The following STARD3NL variants were observed in gnomAD, a reference collection of about 807,000 sequenced individuals.
The protein encoded by STARD3NL is STARD3 N-terminal like, also known as STARD3 N-terminal-like protein.
Under a neutral mutation model 30.9 loss-of-function variants are expected in STARD3NL, and 17 were observed. The observed-to-expected ratio is 0.55, with a 90% CI of 0.38 to 0.82. The LOEUF is 0.82. STARD3NL is among the 40% of genes least tolerant of loss of function. STARD3NL has a pLI of 0.00. For missense variants in STARD3NL, 234 were observed against 277.6 expected (o/e 0.84, Z 1.12); for synonymous variants, 112 against 100.5 (o/e 1.11, Z -0.69).
At chr7:38,229,326 C>T (rs1484148729) in intron 8 of STARD3NL, among the ~76,000 whole-genome samples, 1 of 152,238 alleles carries the variant, frequency 6.6e-6, no homozygotes, top group Non-Finnish European at 1.5e-5. Flanking sequence ...CAGGCCCACA[C>T]TTTCTGGTAC....
rs1298646296 is a variant in STARD3NL at position 38,178,424 on chromosome 7, G to T, written c.-59+4G>T. On this transcript the variant is annotated splice_donor_region_variant and intron_variant, in intron 1 of 8. Coordinates refer to ENST00000009041, the MANE Select transcript of STARD3NL (RefSeq NM_032016.4). ...CGGCCAGGAACCACCCGTTAAGGTA[G>T]GCTGGGTTTCTCGTTCCCCTATTTG... is the stretch of plus-strand genomic sequence containing the variant. 5 of 152,238 alleles carry T rather than the reference G, an allele frequency of 3.3e-5. No individual in the cohort carries two copies. Among genetic ancestry groups the T allele is most frequent in the Admixed American group, 2.6e-4 (4 of 15,286 alleles). The allele number at this position is 152,238 out of a possible 1,614,324, so 9.4% of individuals were successfully genotyped here.
intron 1 of STARD3NL, among the ~76,000 whole-genome samples, chr7:38,192,282 TTTG>T (rs970884135): frequency 7.2e-5 from 10 of 138,934 alleles, no homozygotes; most frequent in Admixed American, 3.1e-4. Context: ...TTAACAAAGT[TTTG>T]TTGTTGTTGT....
In STARD3NL at chr7:38,207,684, C is replaced by T. The variant is rs1785569348; in HGVS notation, c.180C>T (p.Thr60=). The T allele has an allele frequency of 4.3e-6, 7 of 1,614,068 alleles. No homozygotes were observed. The highest frequency in any genetic ancestry group is 5.9e-6 in the Non-Finnish European group (7 of 1,179,966). Residue 60 remains threonine (T), a synonymous_variant, in exon 2 of 9, where the codon ACC becomes ACT. Coordinates refer to ENST00000009041, the MANE Select transcript of STARD3NL (RefSeq NM_032016.4). ...DVRRTFCLFV[T]FDLLFVTLLW... ...GGAGGACTTTCTGTTTGTTTGTCACCTTTGACCTCTTATTCGTAACATTAC... is the reference window on the plus strand; with the variant it reads ...GGAGGACTTTCTGTTTGTTTGTCACTTTTGACCTCTTATTCGTAACATTAC...
chr7:38,201,168 C>T (rs533114742), intron 1 of STARD3NL, among the ~76,000 whole-genome samples: 1 of 152,218 alleles, frequency 6.6e-6, no homozygotes, highest in Admixed American at 6.5e-5. Context: ...CCCTTTTTCC[C>T]AGAGAAAGAT....
In STARD3NL at chr7:38,207,741, G is replaced by T. The variant is rs1180376280; in HGVS notation, c.225+12G>T. 3.7e-6 allele frequency: 6 copies of T among 1,610,704 alleles called. No individual in the cohort carries two copies. The South Asian group carries it at 6.6e-5, about 18-fold the overall frequency. ...TAATAGAGTTAAATGTAAGTTGGTG[G>T]TTCTTTCATAACTTTTTAAGAAGTG... On this transcript the variant is annotated intron_variant, in intron 2 of 8. Coordinates refer to ENST00000009041, the MANE Select transcript of STARD3NL (RefSeq NM_032016.4).
At chr7:38,210,742 G>A (rs1785751604) in intron 2 of STARD3NL, among the ~76,000 whole-genome samples, 1 of 152,200 alleles carries the variant, frequency 6.6e-6, no homozygotes, top group South Asian at 2.1e-4. Context: ...AGTGACAGTT[G>A]AAAGGAATTT....
chr7:38,186,152 C>G (rs1018496200), intron 1 of STARD3NL, among the ~76,000 whole-genome samples: 1 of 152,058 alleles, frequency 6.6e-6, no homozygotes, highest in Non-Finnish European at 1.5e-5. Flanking sequence ...AAGAGGAAGT[C>G]GTAAATATTC....
At chr7:38,216,457 C>CTG (rs3217069) in intron 4 of STARD3NL, 1,922 of 148,948 alleles carry the variant, frequency 0.013, 40 homozygotes, top group South Asian at 0.043. Flanking sequence ...CCAAGCAGCT[C>CTG]TGTGTGTGTG....
At chr7:38,227,962 A>G (rs1786876180) in intron 7 of STARD3NL, among the ~76,000 whole-genome samples, 1 of 152,188 alleles carries the variant, frequency 6.6e-6, no homozygotes, top group African/African-American at 2.4e-5. Context: ...AGAAAAATAT[A>G]TAAAAGTTAC....
At chr7:38,221,024 G>A (rs1229046965) in intron 7 of STARD3NL, among the ~76,000 whole-genome samples, 1 of 152,182 alleles carries the variant, frequency 6.6e-6, no homozygotes, top group African/African-American at 2.4e-5. Context: ...AACACATTAT[G>A]CTAAGTGAAA....
chr7:38,193,874 C>A (rs1355285372), intron 1 of STARD3NL, among the ~76,000 whole-genome samples: 1 of 152,058 alleles, frequency 6.6e-6, no homozygotes, highest in East Asian at 1.9e-4. Context: ...ATGTTGCAAT[C>A]TTTAATATTC....
chr7:38,184,733 G>A (rs1351873897), intron 1 of STARD3NL, among the ~76,000 whole-genome samples: 1 of 144,610 alleles, frequency 6.9e-6, no homozygotes, highest in Non-Finnish European at 1.5e-5. Flanking sequence ...AACCCATATA[G>A]TATATAACAT....
At position 38,215,095 on chromosome 7, in the gene STARD3NL, G is replaced by A; in HGVS notation, c.371G>A (p.Trp124Ter). The change falls in exon 4 of 9, where the codon TGG becomes TAG. Residue 124 changes from tryptophan (W) to a stop codon, truncating the protein, a stop_gained. Coordinates refer to ENST00000009041, the MANE Select transcript of STARD3NL (RefSeq NM_032016.4). LOFTEE classifies it high-confidence loss of function. Reference sequence around the variant, plus strand: ...GCTGTGTGCAGACTGCGCCATTGGTGGGCAATAGCGGTGAGTATGCCCTGC... The same window carrying A: ...GCTGTGTGCAGACTGCGCCATTGGTAGGCAATAGCGGTGAGTATGCCCTGC... ...AYAVCRLRHW[W>*]AIALTTAVTS... The A allele has an allele frequency of 6.2e-7, 1 of 1,613,798 alleles. No individual in the cohort carries two copies. Among genetic ancestry groups the A allele is most frequent in the East Asian group, 2.2e-5 (1 of 44,890 alleles).
intron 1 of STARD3NL, among the ~76,000 whole-genome samples, chr7:38,196,019 T>C (rs1784885712): frequency 6.6e-6 from 1 of 152,232 alleles, no homozygotes; most frequent in African/African-American, 2.4e-5. Flanking sequence ...TTGCCTTGCA[T>C]GAGTAGGCTC....
intron 1 of STARD3NL, among the ~76,000 whole-genome samples, chr7:38,184,498 G>A (rs1431445182): frequency 2.0e-5 from 3 of 151,532 alleles, no homozygotes; most frequent in East Asian, 3.9e-4. Context: ...TGGCAAGAGC[G>A]GGAGCAAGAG....
At position 38,223,862 on chromosome 7, in the gene STARD3NL, T is replaced by C. The variant is rs373447453; in HGVS notation, c.649+4202T>C. Among the ~76,000 whole-genome samples the C allele has an allele frequency of 2.6e-5, 4 of 152,226 alleles. No individual in the cohort carries two copies. The South Asian group carries it at 6.2e-4, about 24-fold the overall frequency. On this transcript the variant is annotated intron_variant, in intron 7 of 8. Transcript: ENST00000009041. ...CATCCATTGTAAATGTATAATTGCA[T>C]GATTTTTAGTAAATTTATAAATTTT...
At chr7:38,212,109 A>T (rs1785842745) in intron 2 of STARD3NL, among the ~76,000 whole-genome samples, 1 of 152,152 alleles carries the variant, frequency 6.6e-6, no homozygotes. Flanking sequence ...AGCCAGGGTA[A>T]CCTGTGAAAA....
At chr7:38,215,282 A>G (rs1786038555) in intron 4 of STARD3NL, 177 bp downstream of exon 4, 1 of 576,374 alleles carries the variant, frequency 1.7e-6, no homozygotes, top group Non-Finnish European at 3.1e-6. Flanking sequence ...CTTCTTTCCA[A>G]TGTTAATGAG....
chr7:38,183,547 C>A (rs1784330919), intron 1 of STARD3NL, among the ~76,000 whole-genome samples: 1 of 152,086 alleles, frequency 6.6e-6, no homozygotes, highest in Non-Finnish European at 1.5e-5. Context: ...TTTCTATATA[C>A]TTGTATTCAT....
Sources: gnomAD v4.1 joint callset for allele counts (sites outside exome capture counted in the v4.1 genomes callset) on GRCh38, gnomAD v4.1.1 for gene constraint, MANE v1.5 for transcripts, NCBI Gene and HGNC (gene_info 2026-07-23, HGNC 2026-07-21) for gene names.